SEMA6B: variants seen among roughly 807,000 people sequenced by gnomAD.
The protein encoded by SEMA6B is semaphorin-6B.
In SEMA6B, 47 loss-of-function variants were observed where a neutral mutation model predicts 78.6. The observed-to-expected ratio is 0.60, with a 90% CI of 0.47 to 0.76. The LOEUF is 0.76. SEMA6B is among the 30% of genes least tolerant of loss of function. The pLI is 0.00. For missense variants in SEMA6B, 1,213 were observed against 1,269.9 expected (o/e 0.96, Z 0.68); for synonymous variants, 632 against 592.2 (o/e 1.07, Z -0.98).
Position 4,546,339 on chromosome 19 carries a change from G to A in SEMA6B, c.1679+53C>T, listed in dbSNP as rs183668514. On this transcript the variant is annotated intron_variant, in intron 15 of 16. Coordinates refer to ENST00000586582, the MANE Select transcript of SEMA6B (RefSeq NM_032108.4). ...CACAGTCAGAGATCAGGGGGATCTG[G>A]GATCATGGGCGGGTCTGACACACCC... The A allele has an allele frequency of 6.6e-5, 106 of 1,597,622 alleles. No homozygotes were observed. The African/African-American group carries it at 1.4e-3, about 20-fold the overall frequency.
rs1308214840 is a variant in SEMA6B at position 4,558,660 on chromosome 19, T to C, written c.-32-171A>G. Among the ~76,000 whole-genome samples, 1 of 152,194 alleles carries C rather than the reference T, an allele frequency of 6.6e-6. No individual in the cohort carries two copies. The highest frequency in any genetic ancestry group is 1.5e-5 in the Non-Finnish European group (1 of 68,042). On this transcript the variant is annotated intron_variant, in intron 1 of 16. Coordinates refer to ENST00000586582, the MANE Select transcript of SEMA6B (RefSeq NM_032108.4). This position sits in a 1 kb window ranked among gnomAD's most constrained non-coding sequence, Gnocchi z 5.1. ...ATAATAATACACAGCACTGATTTAATTATCAGAACAACTTTATGGCCACGT... is the reference window on the plus strand; with the variant it reads ...ATAATAATACACAGCACTGATTTAACTATCAGAACAACTTTATGGCCACGT...
chr19:4,547,840 C>T (rs1182996159), intron 14 of SEMA6B, among the ~76,000 whole-genome samples, 187 bp downstream of exon 14: 1 of 152,176 alleles, frequency 6.6e-6, no homozygotes, highest in African/African-American at 2.4e-5. Flanking sequence ...TCCAGCCACA[C>T]CGGCCACCTT....
At chr19:4,545,214 G>T (rs1977133426) in intron 16 of SEMA6B, among the ~76,000 whole-genome samples, 2 of 151,522 alleles carry the variant, frequency 1.3e-5, no homozygotes, top group South Asian at 4.2e-4. Context: ...GGTGGTGTGC[G>T]CCTGTAATCT....
In SEMA6B at chr19:4,557,189, T is replaced by TG. The variant is rs1370123700; in HGVS notation, c.279dup (p.Thr94HisfsTer16). 6.2e-7 allele frequency: 1 copy of TG among 1,607,188 alleles called. No individual in the cohort carries two copies. The highest frequency in any genetic ancestry group is 8.5e-7 in the Non-Finnish European group (1 of 1,176,254). On this transcript the variant is annotated frameshift_variant, in exon 4 of 17. Transcript: ENST00000586582. LOFTEE classifies it high-confidence loss of function. The stretch of plus-strand genomic sequence containing the variant: ...CTCTGGTACCGCAGCTCCGTGGACG[T>TG]GGGGGGCTCCAGCTCTACGCGGTAG...
chr19:4,552,786 G>C lies in SEMA6B; in HGVS notation c.772-147C>G. On this transcript the variant is annotated intron_variant, in intron 9 of 16. Coordinates refer to ENST00000586582, the MANE Select transcript of SEMA6B (RefSeq NM_032108.4). This position sits in a 1 kb window ranked among gnomAD's most constrained non-coding sequence, Gnocchi z 7.4. ...CCCGGCCAGTCACCGTTCCTCTCTG[G>C]GCACCGGCTTCCCTGGCAGAAATTC... is the stretch of plus-strand genomic sequence containing the variant. The C allele has an allele frequency of 1.5e-6, 1 of 679,366 alleles. No individual in the cohort carries two copies. Among genetic ancestry groups the C allele is most frequent in the Non-Finnish European group, 2.4e-6 (1 of 416,568 alleles). The allele number at this position is 679,366 out of a possible 1,614,324, so 42.1% of individuals were successfully genotyped here.
At position 4,552,434 on chromosome 19, in the gene SEMA6B, G is replaced by A. The variant is rs201218136; in HGVS notation, c.977C>T (p.Thr326Met). The change falls in exon 10 of 17, where the codon ACG (threonine) becomes ATG (methionine). Residue 326 changes from threonine to methionine, a missense_variant. Physicochemically the swap from Thr to Met is moderately conservative, Grantham distance 81 (BLOSUM62 -1). Coordinates refer to ENST00000586582, the MANE Select transcript of SEMA6B (RefSeq NM_032108.4). This position sits in a 1 kb window ranked among gnomAD's most constrained non-coding sequence, Gnocchi z 7.4. ...GRPVVLAVFS[T>M]PSNSIPGSAV... ...GGTGGGCGCTGACCTGTTGCTGGGC[G>A]TGGAAAAAACGGCCAGGACCACGGG... The A allele has an allele frequency of 1.3e-4, 204 of 1,586,216 alleles. No individual in the cohort carries two copies. The African/African-American group carries it at 1.9e-3, about 15-fold the overall frequency.
At position 4,544,222 on chromosome 19, in the gene SEMA6B, C is replaced by T. The variant is rs1179496526; in HGVS notation, c.2046G>A (p.Ala682=). ...GAGVPPEALL[A]PLMQNGWAKA... ...TGGCCCAGCCGTTCTGCATCAGGGG[C>T]GCCAGCAGGGCCTCCGGGGGAACCC... The change falls in exon 17 of 17, where the codon GCG becomes GCA. Residue 682 remains alanine, a synonymous_variant. Transcript: ENST00000586582. This position sits in a 1 kb window ranked among gnomAD's most constrained non-coding sequence, Gnocchi z 5.1. 2 of 1,274,066 alleles carry T rather than the reference C, an allele frequency of 1.6e-6. No homozygotes were observed. 78.9% of individuals were successfully genotyped at this position (1,274,066 alleles called of 1,614,324 possible). A position where few individuals can be genotyped will look rare whatever the true frequency, so the allele number is the denominator to read the frequency against.
rs1977346078 is a variant in SEMA6B at position 4,552,001 on chromosome 19, C to T, written c.989+421G>A. The stretch of plus-strand genomic sequence containing the variant: ...ATCCATCCTACCAGTTCCCTGCTTT[C>T]CTGTTGTGCATTCTCCCCTAGTTCC... On this transcript the variant is annotated intron_variant, in intron 10 of 16. Transcript: ENST00000586582. This position sits in a 1 kb window ranked among gnomAD's most constrained non-coding sequence, Gnocchi z 7.4. 6.6e-6 allele frequency among the ~76,000 whole-genome samples: 1 copy of T among 152,168 alleles called. No individual in the cohort carries two copies. Among genetic ancestry groups the T allele is most frequent in the African/African-American group, 2.4e-5 (1 of 41,432 alleles).
chr19:4,554,708 CAT>C (rs754985257), intron 8 of SEMA6B, among the ~76,000 whole-genome samples: 11 of 152,210 alleles, frequency 7.2e-5, no homozygotes, highest in Non-Finnish European at 1.6e-4. Flanking sequence ...CTTCCTCCCT[CAT>C]GTGTTGAAGA....
intron 12 of SEMA6B, among the ~76,000 whole-genome samples, chr19:4,548,760 C>T (rs372582086): frequency 2.0e-5 from 3 of 152,206 alleles, no homozygotes; most frequent in Admixed American, 6.5e-5. Context: ...CTCCGCCTCC[C>T]GGGTTCAAGC....
chr19:4,548,824 C>A (rs996945182), intron 12 of SEMA6B, among the ~76,000 whole-genome samples: 1 of 152,104 alleles, frequency 6.6e-6, no homozygotes, highest in Non-Finnish European at 1.5e-5. Flanking sequence ...CACGCCATCA[C>A]GCCTGGCAAG....
At chr19:4,549,885 T>G (rs1977275844) in intron 12 of SEMA6B, among the ~76,000 whole-genome samples, 1 of 152,160 alleles carries the variant, frequency 6.6e-6, no homozygotes, top group Non-Finnish European at 1.5e-5. Flanking sequence ...AGTGCTGGGA[T>G]TACAAGCATG....
intron 1 of SEMA6B, among the ~76,000 whole-genome samples, chr19:4,559,320 T>C (rs1206698388): frequency 6.6e-6 from 1 of 152,094 alleles, no homozygotes; most frequent in Admixed American, 6.6e-5. Flanking sequence ...AATCCAGCCT[T>C]TTCATTCTCC....
chr19:4,544,156 C>T lies in SEMA6B; in HGVS notation c.2112G>A (p.Ser704=). Residue 704 remains serine (S), a synonymous_variant, in exon 17 of 17, where the codon TCG becomes TCA. Coordinates refer to ENST00000586582, the MANE Select transcript of SEMA6B (RefSeq NM_032108.4). The surrounding 1 kb of genome is among the most constrained non-coding windows in gnomAD (Gnocchi z 5.1). ...LLQGGPHDLD[S]GLLPTPEQTP... is the part of the protein sequence containing the mutation. ...TCTGCTCGGGCGTGGGCAGCAGCCC[C>T]GAGTCCAGGTCGTGGGGCCCGCCCT... 5 of 1,272,128 alleles carry T rather than the reference C, an allele frequency of 3.9e-6. No individual in the cohort carries two copies. Among genetic ancestry groups the T allele is most frequent in the Non-Finnish European group, 4.9e-6 (5 of 1,011,262 alleles). 78.8% of individuals were successfully genotyped at this position (1,272,128 alleles called of 1,614,324 possible). A position where few individuals can be genotyped will look rare whatever the true frequency, so the allele number is the denominator to read the frequency against.
chr19:4,555,586 A>C lies in SEMA6B; in HGVS notation c.472-22T>G. The C allele has an allele frequency of 1.3e-6, 2 of 1,597,214 alleles. No homozygotes were observed. The highest frequency in any genetic ancestry group is 1.7e-6 in the Non-Finnish European group (2 of 1,166,928). On this transcript the variant is annotated intron_variant, in intron 6 of 16. Coordinates refer to ENST00000586582, the MANE Select transcript of SEMA6B (RefSeq NM_032108.4). This position sits in a 1 kb window ranked among gnomAD's most constrained non-coding sequence, Gnocchi z 6.1. ...CTATCTGCAGGGACCATGGGGCCTG[A>C]GTGACAGATCTCCTGACCCCACCTA...
In SEMA6B at chr19:4,558,826, C is replaced by A. The variant is rs1419519335; in HGVS notation, c.-32-337G>T. Among the ~76,000 whole-genome samples the A allele has an allele frequency of 1.3e-5, 2 of 151,322 alleles. No homozygotes were observed. Among genetic ancestry groups the A allele is most frequent in the Non-Finnish European group, 2.9e-5 (2 of 67,892 alleles). On this transcript the variant is annotated intron_variant, in intron 1 of 16. Transcript: ENST00000586582. This position sits in a 1 kb window ranked among gnomAD's most constrained non-coding sequence, Gnocchi z 5.1. ...ATCGCAAAATACATGCATAAAAATACTTAGAATTAAAACACAAAAATATTA... is the reference window on the plus strand; with the variant it reads ...ATCGCAAAATACATGCATAAAAATAATTAGAATTAAAACACAAAAATATTA...
Position 4,548,279 on chromosome 19 carries a change from T to A in SEMA6B, c.1438A>T (p.Thr480Ser). The change falls in exon 13 of 17, where the codon ACC (threonine) becomes TCC (serine). Residue 480 changes from threonine (T) to serine (S), a missense_variant. Coordinates refer to ENST00000586582, the MANE Select transcript of SEMA6B (RefSeq NM_032108.4). ...CAGACTTACCTGTCCGGCCGGTAGG[T>A]CTCAAACTCCTCCAGGAAGACACTG... The part of the protein sequence containing the change: ...GLSVFLEEFE[T>S]YRPDRCGRPG... The A allele has an allele frequency of 6.2e-7, 1 of 1,612,050 alleles. No individual in the cohort carries two copies. Among genetic ancestry groups the A allele is most frequent in the African/African-American group, 1.3e-5 (1 of 74,966 alleles).
Position 4,552,661 on chromosome 19 carries a change from C to A in SEMA6B, c.772-22G>T. On this transcript the variant is annotated intron_variant, in intron 9 of 16. Coordinates refer to ENST00000586582, the MANE Select transcript of SEMA6B (RefSeq NM_032108.4). The surrounding 1 kb of genome is among the most constrained non-coding windows in gnomAD (Gnocchi z 7.4). ...CCACCTGGGCGTGACAGTGGACGGACGGGGGCCTGAGCTCTGTGTCCCAGG... is the reference window on the plus strand; with the variant it reads ...CCACCTGGGCGTGACAGTGGACGGAAGGGGGCCTGAGCTCTGTGTCCCAGG... The A allele has an allele frequency of 6.3e-7, 1 of 1,576,798 alleles. No individual in the cohort carries two copies. Among genetic ancestry groups the A allele is most frequent in the African/African-American group, 1.3e-5 (1 of 74,462 alleles).
chr19:4,543,548 C>T lies in SEMA6B; in HGVS notation c.*53G>A. 9.8e-7 allele frequency: 1 copy of T among 1,020,872 alleles called. No individual in the cohort carries two copies. The highest frequency in any genetic ancestry group is 1.3e-6 in the Non-Finnish European group (1 of 793,930). 63.2% of individuals were successfully genotyped at this position (1,020,872 alleles called of 1,614,324 possible). On this transcript the variant is annotated 3_prime_UTR_variant, in exon 17 of 17. Coordinates refer to ENST00000586582, the MANE Select transcript of SEMA6B (RefSeq NM_032108.4). Reference sequence around the variant, plus strand: ...GGGCCCCGGCGTTCTGGCACCGTCTCTCGCTCCTGGTTCCCGTGGCTGGCA... The same window carrying T: ...GGGCCCCGGCGTTCTGGCACCGTCTTTCGCTCCTGGTTCCCGTGGCTGGCA...
Sources: gnomAD v4.1 joint callset for allele counts (sites outside exome capture counted in the v4.1 genomes callset) on GRCh38, gnomAD v4.1.1 for gene constraint, Gnocchi (gnomAD v3.1) non-coding constraint, MANE v1.5 for transcripts, NCBI Gene and HGNC (gene_info 2026-07-23, HGNC 2026-07-21) for gene names.